Variants in DIP2B observed in about 807,000 individuals in gnomAD.
DIP2B encodes DIP2 acetate--CoA ligase B (putative).
Under a neutral mutation model 198.0 loss-of-function variants are expected in DIP2B, and 76 were observed. The observed-to-expected ratio is 0.38, with a 90% confidence interval of 0.32 to 0.46. The LOEUF (loss-of-function observed/expected upper bound fraction) is 0.46. DIP2B is among the 20% of genes least tolerant of loss of function. The pLI is 0.99. For synonymous variants in DIP2B, 701 were observed against 739.1 expected, an observed-to-expected ratio of 0.95 and a Z score of 0.84; for missense variants, 1,559 against 1,978.4, an observed-to-expected ratio of 0.79 and a Z score of 4.02.
At chr12:50,703,167 G>T (rs1939452329) in intron 19 of DIP2B, among the ~76,000 whole-genome samples, 1 of 149,864 alleles carries the variant, frequency 6.7e-6, no homozygotes, top group Non-Finnish European at 1.5e-5. Context: ...AGGCTGCAGT[G>T]AATTATGATT....
intron 1 of DIP2B, among the ~76,000 whole-genome samples, chr12:50,580,374 C>A (rs1958713337): frequency 6.7e-6 from 1 of 148,724 alleles, no homozygotes; most frequent in Non-Finnish European, 1.5e-5. Context: ...CTTATGAGTA[C>A]TCCAGATGCC....
At chr12:50,530,145 C>CGGTGGT (rs1958203102) in intron 1 of DIP2B, among the ~76,000 whole-genome samples, 2 of 152,108 alleles carry the variant, frequency 1.3e-5, no homozygotes, top group Non-Finnish European at 2.9e-5. Context: ...GGCGCGATCT[C>CGGTGGT]GGCTCACTGC....
At chr12:50,664,852 T>TG (rs1938722387) in intron 4 of DIP2B, among the ~76,000 whole-genome samples, 1 of 129,048 alleles carries the variant, frequency 7.7e-6, no homozygotes, top group African/African-American at 3.0e-5. Context: ...TTTTTTTTTT[T>TG]TTTTTTTTTT....
intron 1 of DIP2B, among the ~76,000 whole-genome samples, chr12:50,596,842 A>T (rs1477593950): frequency 1.3e-5 from 2 of 152,222 alleles, no homozygotes; most frequent in Non-Finnish European, 2.9e-5. Flanking sequence ...ACGTGTTTTT[A>T]AAAATAGCTG....
At chr12:50,629,342 T>A (rs1022958664) in intron 2 of DIP2B, among the ~76,000 whole-genome samples, 3 of 152,196 alleles carry the variant, frequency 2.0e-5, no homozygotes, top group African/African-American at 7.2e-5. Flanking sequence ...GCCCTCAGAA[T>A]CACTGGAGGG....
rs541335970 is a variant in DIP2B, at chr12:50,729,915, G to A, written c.3641+1237G>A. Among the ~76,000 whole-genome samples, 79 of 151,804 alleles carry A rather than the reference G, an allele frequency of 5.2e-4. 1 individual carries two copies. Among genetic ancestry groups the A allele is most frequent in the Non-Finnish European group, 9.7e-4 (66 of 67,916 alleles). ...TGGCTAATTGTTTTGTAGAGACAGC[G>A]TTTCGTCATGTTGCCCAGGCTGGTC... On this transcript the variant is annotated intron_variant, in intron 30 of 37. Transcript: ENST00000301180.
chr12:50,623,926 C>T (rs1293070033), intron 1 of DIP2B, among the ~76,000 whole-genome samples: 4 of 152,144 alleles, frequency 2.6e-5, no homozygotes, highest in South Asian at 2.1e-4. Flanking sequence ...TGTCACATGT[C>T]TCCTGGGGGA....
chr12:50,561,735 G>A (rs906471466), intron 1 of DIP2B, among the ~76,000 whole-genome samples: 8 of 152,290 alleles, frequency 5.3e-5, no homozygotes, highest in African/African-American at 1.9e-4. Flanking sequence ...AGCCTCCTGA[G>A]TAGCTGGGAT....
At chr12:50,706,314 T>G (rs1939512274) in intron 20 of DIP2B, among the ~76,000 whole-genome samples, 1 of 152,200 alleles carries the variant, frequency 6.6e-6, no homozygotes, top group Admixed American at 6.5e-5. Context: ...GTAAATTCCC[T>G]TCTTAGGTAT....
chr12:50,563,790 C>T (rs1958540506), intron 1 of DIP2B, among the ~76,000 whole-genome samples: 1 of 144,184 alleles, frequency 6.9e-6, no homozygotes, highest in African/African-American at 2.5e-5. Context: ...GCCACCTTGC[C>T]CAGCCTAATT....
At chr12:50,526,729 C>T (rs760993660) in intron 1 of DIP2B, among the ~76,000 whole-genome samples, 6 of 3,878 alleles carry the variant, frequency 1.5e-3, no homozygotes, top group Non-Finnish European at 8.0e-3. Context: ...CTCTGCCTCC[C>T]GGGTTCAAGC....
chr12:50,661,647 T>C (rs1434015334), intron 4 of DIP2B, among the ~76,000 whole-genome samples: 1 of 152,228 alleles, frequency 6.6e-6, no homozygotes, highest in Non-Finnish European at 1.5e-5. Context: ...TTGAAAATCT[T>C]GGATGGTTTC....
chr12:50,708,130 T>C (rs1039838271), intron 21 of DIP2B, among the ~76,000 whole-genome samples: 1 of 151,620 alleles, frequency 6.6e-6, no homozygotes, highest in Non-Finnish European at 1.5e-5. Context: ...TACACACCAC[T>C]CCACCCCCTG....
At chr12:50,728,256 G>A (rs1420242916) in intron 29 of DIP2B, among the ~76,000 whole-genome samples, 3 of 151,972 alleles carry the variant, frequency 2.0e-5, no homozygotes, top group East Asian at 1.9e-4. Flanking sequence ...GTGCGTGCCT[G>A]TAATCCCAGC....
At chr12:50,548,594 C>T (rs1385784975) in intron 1 of DIP2B, among the ~76,000 whole-genome samples, 1 of 152,106 alleles carries the variant, frequency 6.6e-6, no homozygotes, top group African/African-American at 2.4e-5. Context: ...GGCACGGTCT[C>T]GGCTCACTGC....
intron 2 of DIP2B, among the ~76,000 whole-genome samples, chr12:50,628,583 C>T (rs962414041): frequency 6.6e-6 from 1 of 152,086 alleles, no homozygotes; most frequent in Non-Finnish European, 1.5e-5. Flanking sequence ...CTCTCTGTCT[C>T]GTACAGTCAC....
chr12:50,595,308 T>A (rs960302689), intron 1 of DIP2B, among the ~76,000 whole-genome samples: 5 of 152,144 alleles, frequency 3.3e-5, no homozygotes, highest in Admixed American at 3.3e-4. Context: ...TTTAAAAATT[T>A]ATTTATTTAT....
chr12:50,721,516 T>C, intron 26 of DIP2B, 120 bp downstream of exon 26: 1 of 1,459,160 alleles, frequency 6.9e-7, no homozygotes, highest in Non-Finnish European at 9.2e-7. Context: ...TTCCCAACAC[T>C]TAGAAGACCA....
chr12:50,576,801 AAGTT>A (rs1449857772), intron 1 of DIP2B, among the ~76,000 whole-genome samples: 1 of 151,776 alleles, frequency 6.6e-6, no homozygotes, highest in Non-Finnish European at 1.5e-5. Context: ...TTTACAGAAA[AAGTT>A]AGGCTGCATC....
Sources: allele counts gnomAD v4.1 joint callset (sites outside exome capture counted in the v4.1 genomes callset), GRCh38; gene constraint gnomAD v4.1.1; transcripts MANE v1.5; gene names NCBI Gene and HGNC (gene_info 2026-07-23, HGNC 2026-07-21).